ARHGAP42: variants seen among roughly 807,000 people sequenced by gnomAD.
ARHGAP42 encodes the protein Rho GTPase activating protein 42, also known as rho GTPase-activating protein 42.
In ARHGAP42, 63 loss-of-function variants were observed where a neutral mutation model predicts 125.0. The observed-to-expected ratio is 0.50, with a 90% confidence interval of 0.41 to 0.62. The LOEUF (loss-of-function observed/expected upper bound fraction) is 0.62, where lower values mean the gene tolerates loss of function less well. Ranked by LOEUF, ARHGAP42 falls within the 20% of genes least tolerant of loss-of-function variation. The pLI is 0.00. For synonymous variants in ARHGAP42, 339 were observed against 351.0 expected, an observed-to-expected ratio of 0.97 and a Z score of 0.38; for missense variants, 766 against 1,024.2, an observed-to-expected ratio of 0.75 and a Z score of 3.44.
chr11:100,952,174 CACTA>C (rs767740387), intron 12 of ARHGAP42, among the ~76,000 whole-genome samples: 2 of 152,068 alleles, frequency 1.3e-5, no homozygotes, highest in African/African-American at 4.8e-5. Context: ...TTTGTAATTG[CACTA>C]ACTTTTAAAA....
intron 3 of ARHGAP42, among the ~76,000 whole-genome samples, chr11:100,849,622 T>C (rs966169328): frequency 3.3e-5 from 5 of 152,174 alleles, no homozygotes; most frequent in Non-Finnish European, 7.4e-5. Flanking sequence ...GTGATTAAAT[T>C]TGCTGGCTTA....
intron 1 of ARHGAP42, among the ~76,000 whole-genome samples, chr11:100,701,085 A>G (rs1326116771): frequency 6.6e-6 from 1 of 152,174 alleles, no homozygotes; most frequent in East Asian, 1.9e-4. Context: ...ATACATCGCC[A>G]TCATAGCTCT....
chr11:100,755,367 A>G lies in ARHGAP42; in HGVS notation c.155-14976A>G, dbSNP rs558123488. On this transcript the variant is annotated intron_variant, in intron 1 of 23. Transcript: ENST00000298815. The stretch of plus-strand genomic sequence containing the variant: ...AATGTGAATGTGAGTCTTAGATTAT[A>G]GATAATTTTCCATACTTAAAAAGTT... 3.9e-5 allele frequency among the ~76,000 whole-genome samples: 6 copies of G among 152,374 alleles called. No individual in the cohort carries two copies. The South Asian group carries it at 1.2e-3, about 32-fold the overall frequency.
At chr11:100,864,712 CTAG>C (rs1865526713) in intron 4 of ARHGAP42, among the ~76,000 whole-genome samples, 1 of 152,104 alleles carries the variant, frequency 6.6e-6, no homozygotes, top group Non-Finnish European at 1.5e-5. Flanking sequence ...TTTCTACTCC[CTAG>C]AGCAACTCTG....
chr11:100,740,350 C>T (rs1862158252), intron 1 of ARHGAP42, among the ~76,000 whole-genome samples: 1 of 152,108 alleles, frequency 6.6e-6, no homozygotes, highest in African/African-American at 2.4e-5. Flanking sequence ...CACTTGGGCA[C>T]TGAATTTATT....
chr11:100,895,493 CT>C (rs55789058), intron 4 of ARHGAP42, among the ~76,000 whole-genome samples: 16,742 of 123,400 alleles, frequency 0.14, 1,051 homozygotes, highest in Non-Finnish European at 0.15. Context: ...AAAAGAGCAA[CT>C]TTTTTTTTTT....
chr11:100,875,105 CTCTGTGTGTGTGTG>C (rs1444415301), intron 4 of ARHGAP42, among the ~76,000 whole-genome samples: 59 of 49,282 alleles, frequency 1.2e-3, no homozygotes, highest in Middle Eastern at 9.8e-3. Context: ...CTCTCTCTCT[CTCTGTGTGTGTGTG>C]TGTGTGTGTG....
At chr11:100,850,337 T>A (rs919781224) in intron 3 of ARHGAP42, among the ~76,000 whole-genome samples, 3 of 152,208 alleles carry the variant, frequency 2.0e-5, no homozygotes, top group African/African-American at 7.2e-5. Flanking sequence ...CTGTACTGAA[T>A]ACTGTAGGTG....
chr11:100,793,651 C>G (rs1357959359), intron 2 of ARHGAP42, among the ~76,000 whole-genome samples: 1 of 148,396 alleles, frequency 6.7e-6, no homozygotes, highest in Non-Finnish European at 1.5e-5. Flanking sequence ...TTGATGAGTT[C>G]TTTTGATTTG....
At chr11:100,748,266 C>T (rs547640345) in intron 1 of ARHGAP42, among the ~76,000 whole-genome samples, 53 of 152,344 alleles carry the variant, frequency 3.5e-4, no homozygotes, top group African/African-American at 1.2e-3. Flanking sequence ...TGAGTGCAAA[C>T]AGCTCGCAGG....
At chr11:100,769,712 CTTTTTT>C (rs140626690) in intron 1 of ARHGAP42, among the ~76,000 whole-genome samples, 17,478 of 77,954 alleles carry the variant, frequency 0.22, 1,086 homozygotes, top group Non-Finnish European at 0.24. Flanking sequence ...AGCATTCCTT[CTTTTTT>C]TTTTTTTTTT....
intron 1 of ARHGAP42, among the ~76,000 whole-genome samples, chr11:100,745,220 A>G (rs1205343225): frequency 6.6e-6 from 1 of 152,234 alleles, no homozygotes; most frequent in Non-Finnish European, 1.5e-5. Flanking sequence ...ACATACTCAC[A>G]TATTGATTCT....
intron 4 of ARHGAP42, among the ~76,000 whole-genome samples, chr11:100,880,937 TA>T (rs1300415757): frequency 2.1e-4 from 23 of 111,298 alleles, no homozygotes; most frequent in African/African-American, 7.5e-4. Flanking sequence ...CACTTTTTGA[TA>T]GGATTTTTTT....
intron 2 of ARHGAP42, among the ~76,000 whole-genome samples, chr11:100,793,774 A>G (rs1863633955): frequency 6.6e-6 from 1 of 152,140 alleles, no homozygotes. Context: ...TAGGAATCTA[A>G]CAAATAAGGC....
At chr11:100,761,413 C>A (rs1250219293) in intron 1 of ARHGAP42, among the ~76,000 whole-genome samples, 1 of 152,216 alleles carries the variant, frequency 6.6e-6, no homozygotes, top group Non-Finnish European at 1.5e-5. Context: ...CCACTCTTTT[C>A]AAGTTTTTTC....
chr11:100,887,370 T>C (rs970537680), intron 4 of ARHGAP42, among the ~76,000 whole-genome samples: 2 of 152,142 alleles, frequency 1.3e-5, no homozygotes, highest in African/African-American at 4.8e-5. Flanking sequence ...CATGTACAAC[T>C]AACCAATGAG....
intron 1 of ARHGAP42, among the ~76,000 whole-genome samples, chr11:100,708,721 TA>T (rs905279135): frequency 2.0e-5 from 3 of 152,058 alleles, no homozygotes; most frequent in African/African-American, 4.8e-5. Flanking sequence ...TGCACACACT[TA>T]AAAAAATATA....
chr11:100,735,284 C>T (rs1001436469), intron 1 of ARHGAP42, among the ~76,000 whole-genome samples: 1 of 152,190 alleles, frequency 6.6e-6, no homozygotes, highest in African/African-American at 2.4e-5. Flanking sequence ...ATAAATTCTG[C>T]CTCCTTTCCT....
intron 10 of ARHGAP42, among the ~76,000 whole-genome samples, chr11:100,946,504 A>G (rs1868022734): frequency 1.3e-5 from 2 of 152,102 alleles, no homozygotes; most frequent in African/African-American, 4.8e-5. Context: ...CATGAGAGAC[A>G]TGTGAATCTT....
Sources: allele counts gnomAD v4.1 joint callset (sites outside exome capture counted in the v4.1 genomes callset), GRCh38; gene constraint gnomAD v4.1.1; transcripts MANE v1.5; gene names NCBI Gene and HGNC (gene_info 2026-07-23, HGNC 2026-07-21).